The following DENND5B variants were observed in gnomAD, a reference collection of about 807,000 sequenced individuals.
The protein encoded by DENND5B is DENN domain-containing protein 5B.
A neutral mutation model predicts 140.6 loss-of-function variants in DENND5B; 34 were observed. That is an observed-to-expected ratio of 0.24 (90% CI 0.18 to 0.32). The LOEUF (loss-of-function observed/expected upper bound fraction) is 0.32, where lower values mean the gene tolerates loss of function less well. Ranked by LOEUF, DENND5B falls within the 10% of genes least tolerant of loss-of-function variation. The pLI, the probability that DENND5B is intolerant of heterozygous loss-of-function variation, is 1.00. For synonymous variants in DENND5B, 551 were observed against 562.1 expected, an observed-to-expected ratio of 0.98 and a Z score of 0.28; for missense variants, 1,142 against 1,560.2, an observed-to-expected ratio of 0.73 and a Z score of 4.52.
At chr12:31,546,213 T>A (rs940671517) in intron 1 of DENND5B, among the ~76,000 whole-genome samples, 7 of 152,132 alleles carry the variant, frequency 4.6e-5, no homozygotes, top group Admixed American at 4.6e-4. Context: ...AAGTTGGCTT[T>A]ATGTTACAGC....
intron 1 of DENND5B, among the ~76,000 whole-genome samples, chr12:31,509,001 C>T (rs1947309675): frequency 6.6e-6 from 1 of 152,096 alleles, no homozygotes; most frequent in African/African-American, 2.4e-5. Context: ...GCAAAATTAA[C>T]ATAAAACAAA....
chr12:31,449,731 G>GTTTTTGT (rs1555149743), intron 5 of DENND5B, among the ~76,000 whole-genome samples: 3 of 89,970 alleles, frequency 3.3e-5, no homozygotes, highest in Non-Finnish European at 6.4e-5. Context: ...ACACAGATTA[G>GTTTTTGT]TTTTTTTTTT....
At chr12:31,446,034 C>T (rs1944261936) in intron 6 of DENND5B, among the ~76,000 whole-genome samples, 1 of 151,624 alleles carries the variant, frequency 6.6e-6, no homozygotes, top group South Asian at 2.1e-4. Context: ...AATTCGTGAA[C>T]ACCTGGCATG....
chr12:31,392,478 A>G, intron 18 of DENND5B, 85 bp from the exon 19 acceptor site: 1 of 1,570,142 alleles, frequency 6.4e-7, no homozygotes. Context: ...TGCTGAAGGT[A>G]GCTATATGAA....
intron 1 of DENND5B, among the ~76,000 whole-genome samples, chr12:31,555,851 C>T (rs145767323): frequency 0.13 from 20,438 of 152,232 alleles, 1,622 homozygotes; most frequent in Non-Finnish European, 0.18. Flanking sequence ...TAGGACCCTC[C>T]GAGCCAGGTG....
rs751708684 is a variant in DENND5B, at chr12:31,403,897, C to CA, written c.2804-1255dup. ...GGCAACAGGAGTGAAACTCCATCTC[C>CA]AAAAAAAAAAAAAAAAAAAAAAAAA... On this transcript the variant is annotated intron_variant, in intron 14 of 20. Coordinates refer to ENST00000389082, the MANE Select transcript of DENND5B (RefSeq NM_144973.4). 1.2e-3 allele frequency among the ~76,000 whole-genome samples: 45 copies of CA among 36,390 alleles called. 1 individual carries two copies. Among genetic ancestry groups the CA allele is most frequent in the East Asian group, 0.012 (10 of 812 alleles). 23.9% of individuals were successfully genotyped at this position (36,390 alleles called of 152,430 possible).
chr12:31,470,243 T>C (rs1429229908), intron 3 of DENND5B, among the ~76,000 whole-genome samples: 2 of 150,604 alleles, frequency 1.3e-5, no homozygotes, highest in Non-Finnish European at 1.5e-5. Flanking sequence ...GCCTCCCGAG[T>C]AGCTGGGATT....
chr12:31,551,518 T>C (rs1034857463), intron 1 of DENND5B, among the ~76,000 whole-genome samples: 1 of 152,222 alleles, frequency 6.6e-6, no homozygotes, highest in African/African-American at 2.4e-5. Context: ...CTTTGTTCTT[T>C]TGGCTTAGGA....
At chr12:31,461,726 G>T (rs1005017494) in intron 3 of DENND5B, among the ~76,000 whole-genome samples, 1 of 152,190 alleles carries the variant, frequency 6.6e-6, no homozygotes, top group African/African-American at 2.4e-5. Context: ...GTTACAAAAA[G>T]AATGTTTGGT....
chr12:31,579,001 G>T (rs182560352), intron 1 of DENND5B, among the ~76,000 whole-genome samples: 1 of 152,140 alleles, frequency 6.6e-6, no homozygotes, highest in East Asian at 1.9e-4. Flanking sequence ...TAGAATAAGG[G>T]TGACTTCCTG....
At chr12:31,398,078 TCTC>T (rs1469632487) in intron 17 of DENND5B, 94 bp downstream of exon 17, 11 of 1,130,326 alleles carry the variant, frequency 9.7e-6, no homozygotes, top group Non-Finnish European at 1.3e-5. Context: ...CTTTTTAAAA[TCTC>T]CTCACTACAT....
In DENND5B at chr12:31,409,402, A is replaced by G. The variant is rs767279766; in HGVS notation, c.2682-18T>C. ...AAAGCTTCCTAGGAAAGGGTAAGAC[A>G]AGCACAAGACAGTAGTATCAAAGAA... On this transcript the variant is annotated intron_variant, in intron 13 of 20. Transcript: ENST00000389082. 162 of 1,526,834 alleles carry G rather than the reference A, an allele frequency of 1.1e-4. No individual in the cohort carries two copies. Among genetic ancestry groups the G allele is most frequent in the Non-Finnish European group, 1.3e-4 (149 of 1,135,644 alleles). The allele number at this position is 1,526,834 out of a possible 1,614,324, so 94.6% of individuals were successfully genotyped here.
At chr12:31,587,565 T>TTTTTTTTTTGTTG (rs1950440536) in intron 1 of DENND5B, among the ~76,000 whole-genome samples, 1 of 93,268 alleles carries the variant, frequency 1.1e-5, no homozygotes. Context: ...TTTTTTTTTT[T>TTTTTTTTTTGTTG]GAGACAGAGT....
intron 1 of DENND5B, 197 bp downstream of exon 1, chr12:31,590,509 C>T (rs1003942509): frequency 1.5e-6 from 1 of 646,578 alleles, no homozygotes; most frequent in Non-Finnish European, 2.3e-6. Flanking sequence ...CCCCGGTGGG[C>T]GCAGCCGCAA....
At chr12:31,410,952 T>C (rs978898010) in intron 13 of DENND5B, among the ~76,000 whole-genome samples, 3 of 152,066 alleles carry the variant, frequency 2.0e-5, no homozygotes, top group African/African-American at 7.2e-5. Flanking sequence ...CAGAAGAAAA[T>C]GTGAAATACT....
At chr12:31,582,248 T>C (rs1841745220) in intron 1 of DENND5B, among the ~76,000 whole-genome samples, 1 of 152,136 alleles carries the variant, frequency 6.6e-6, no homozygotes, top group African/African-American at 2.4e-5. Context: ...CCAAGGGTGG[T>C]AGTTAGAAAT....
rs185302056 is a variant in DENND5B, at chr12:31,489,638, C to T, written c.237+6172G>A. On this transcript the variant is annotated intron_variant, in intron 2 of 20. Coordinates refer to ENST00000389082, the MANE Select transcript of DENND5B (RefSeq NM_144973.4). ...ACTATGCGCAAAGCTAGGGATATAA[C>T]AATGAATAAGAGACACTGCTCCTGT... is the stretch of plus-strand genomic sequence containing the variant. Among the ~76,000 whole-genome samples the T allele has an allele frequency of 1.2e-4, 19 of 152,300 alleles. No homozygotes were observed. In the East Asian group the frequency reaches 3.7e-3, roughly 29 times the overall value.
Position 31,387,480 on chromosome 12 carries a change from T to G in DENND5B, c.*123A>C. 2.1e-6 allele frequency: 2 copies of G among 955,226 alleles called. No homozygotes were observed. The highest frequency in any genetic ancestry group is 3.5e-5 in the South Asian group (2 of 56,418). 59.2% of individuals were successfully genotyped at this position (955,226 alleles called of 1,614,324 possible). On this transcript the variant is annotated 3_prime_UTR_variant, in exon 21 of 21. Coordinates refer to ENST00000389082, the MANE Select transcript of DENND5B (RefSeq NM_144973.4). ...TTTGCCTTGTCTGTAGAGTGAGGAT[T>G]GTTCCAAATGGGGCATATGTTTGGC...
chr12:31,540,003 T>C (rs1208701825), intron 1 of DENND5B, among the ~76,000 whole-genome samples: 1 of 152,002 alleles, frequency 6.6e-6, no homozygotes, highest in East Asian at 1.9e-4. Context: ...AAAAAACTAT[T>C]AGAACTCATA....
Sources: allele counts gnomAD v4.1 joint callset (sites outside exome capture counted in the v4.1 genomes callset), GRCh38; gene constraint gnomAD v4.1.1; transcripts MANE v1.5; gene names NCBI Gene and HGNC (gene_info 2026-07-23, HGNC 2026-07-21).